The following OR6N1 variants were observed in gnomAD, a reference collection of about 807,000 sequenced individuals.
OR6N1 encodes olfactory receptor family 6 subfamily N member 1, also known as olfactory receptor 6N1.
For synonymous variants in OR6N1, 170 were observed against 150.7 expected, an observed-to-expected ratio of 1.13 and a Z score of -0.94; for missense variants, 394 against 371.7, an observed-to-expected ratio of 1.06 and a Z score of -0.49.
chr1:158,767,923 T>C (rs1319270929), intron 1 of OR6N1, among the ~76,000 whole-genome samples: 1 of 152,186 alleles, frequency 6.6e-6, no homozygotes, highest in African/African-American at 2.4e-5. Flanking sequence ...TATCTAAGAT[T>C]TCCTGGATCC....
chr1:158,834,971 C>G, the OR6N1 span, among the ~76,000 whole-genome samples: 1 of 152,130 alleles, frequency 6.6e-6, no homozygotes. Flanking sequence ...TTCCATTGTT[C>G]TTTATGTCTG....
At chr1:158,776,697 A>G (rs1017111678), upstream of OR6N1, 12 of 1,602,526 alleles carry the variant, frequency 7.5e-6, no homozygotes, top group African/African-American at 1.2e-4. Flanking sequence ...GATGAGCAAG[A>G]CTAGCTTTAT....
the OR6N1 span, among the ~76,000 whole-genome samples, chr1:158,785,245 A>T: frequency 6.6e-6 from 1 of 152,146 alleles, no homozygotes. Context: ...TTGTGCTTTC[A>T]TTAGAGTTCA....
rs778798865 is a variant in OR6N1 at position 158,766,357 on chromosome 1, G to T, written c.326C>A (p.Ala109Glu). 1 of 1,614,014 alleles carries T rather than the reference G, an allele frequency of 6.2e-7. No homozygotes were observed. The highest frequency in any genetic ancestry group is 8.5e-7 in the Non-Finnish European group (1 of 1,179,932). The change falls in exon 2 of 2, where the codon GCG (alanine) becomes GAG (glutamate). Residue 109 changes from alanine to glutamate, a missense_variant. Transcript: ENST00000641846. ...LQIYFFHSLG[A>E]TECYLLTAMA... The stretch of plus-strand genomic sequence containing the variant: ...AGCTGTCAGGAGATAGCACTCAGTC[G>T]CTCCAAGGGAGTGAAAGAAATAGAT...
the OR6N1 span, among the ~76,000 whole-genome samples, chr1:158,831,902 A>C: frequency 6.6e-6 from 1 of 152,196 alleles, no homozygotes; most frequent in Non-Finnish European, 1.5e-5. Context: ...CAAGACAGTC[A>C]GATAAGAAAA....
At chr1:158,779,166 A>G in the OR6N1 span, among the ~76,000 whole-genome samples, 1 of 152,220 alleles carries the variant, frequency 6.6e-6, no homozygotes, top group South Asian at 2.1e-4. Context: ...ATAGTATTGG[A>G]CATTCTAATT....
At chr1:158,789,492 C>T in the OR6N1 span, among the ~76,000 whole-genome samples, 5 of 152,176 alleles carry the variant, frequency 3.3e-5, no homozygotes, top group Non-Finnish European at 5.9e-5. Context: ...TCTACATCCT[C>T]ATCCATTTTA....
At chr1:158,772,720 G>A (rs921142654), upstream of OR6N1, among the ~76,000 whole-genome samples, 5 of 152,080 alleles carry the variant, frequency 3.3e-5, no homozygotes, top group Admixed American at 6.5e-5. Context: ...TATCTGCTCC[G>A]TAAAGAGTGC....
At chr1:158,833,541 A>T in the OR6N1 span, among the ~76,000 whole-genome samples, 1 of 152,210 alleles carries the variant, frequency 6.6e-6, no homozygotes, top group South Asian at 2.1e-4. Context: ...CCATAAATTT[A>T]AAAACTCTAA....
chr1:158,836,252 G>A, the OR6N1 span, among the ~76,000 whole-genome samples: 1 of 151,908 alleles, frequency 6.6e-6, no homozygotes, highest in African/African-American at 2.4e-5. Context: ...CAATGAGTTT[G>A]GAAGTGTTCC....
At chr1:158,771,621 A>G (rs1460706630) in intron 1 of OR6N1, among the ~76,000 whole-genome samples, 1 of 152,234 alleles carries the variant, frequency 6.6e-6, no homozygotes, top group Non-Finnish European at 1.5e-5. Flanking sequence ...CCACAGCTGC[A>G]TTATTCATAG....
intron 1 of OR6N1, among the ~76,000 whole-genome samples, chr1:158,768,305 C>T (rs1423679908): frequency 6.6e-6 from 1 of 152,216 alleles, no homozygotes; most frequent in Non-Finnish European, 1.5e-5. Flanking sequence ...TCACTGCCTA[C>T]TCACATCTCC....
At chr1:158,771,302 G>A (rs1332719514) in intron 1 of OR6N1, among the ~76,000 whole-genome samples, 2 of 152,112 alleles carry the variant, frequency 1.3e-5, no homozygotes, top group Admixed American at 6.5e-5. Flanking sequence ...GCAACTCTCT[G>A]TGAGCTTTTT....
chr1:158,817,753 G>C, the OR6N1 span, among the ~76,000 whole-genome samples: 1 of 152,198 alleles, frequency 6.6e-6, no homozygotes, highest in East Asian at 1.9e-4. Flanking sequence ...CAAGGAAAGA[G>C]GCAGCAACAC....
the OR6N1 span, among the ~76,000 whole-genome samples, chr1:158,832,203 T>C: frequency 6.6e-6 from 1 of 152,130 alleles, no homozygotes; most frequent in South Asian, 2.1e-4. Flanking sequence ...GAATCAATTA[T>C]ATATTTCCTA....
the OR6N1 span, among the ~76,000 whole-genome samples, chr1:158,789,634 C>T: frequency 6.6e-6 from 1 of 152,118 alleles, no homozygotes; most frequent in Non-Finnish European, 1.5e-5. Context: ...TATATATATT[C>T]TTTTGAGAAA....
At chr1:158,837,193 G>A in the OR6N1 span, among the ~76,000 whole-genome samples, 2 of 151,726 alleles carry the variant, frequency 1.3e-5, no homozygotes, top group Non-Finnish European at 3.0e-5. Flanking sequence ...TTACTGTTTT[G>A]GATATATCTG....
the OR6N1 span, among the ~76,000 whole-genome samples, chr1:158,798,763 T>C: frequency 6.6e-6 from 1 of 152,212 alleles, no homozygotes; most frequent in Non-Finnish European, 1.5e-5. Context: ...CCTGGTGTTT[T>C]TATTCCTAAG....
chr1:158,834,192 T>C, the OR6N1 span, among the ~76,000 whole-genome samples: 17,792 of 152,012 alleles, frequency 0.12, 1,391 homozygotes, highest in South Asian at 0.31. Flanking sequence ...GCCATTTGTA[T>C]AGCACCTTTG....
Sources: gnomAD v4.1 joint callset for allele counts (sites outside exome capture counted in the v4.1 genomes callset) on GRCh38, gnomAD v4.1.1 for gene constraint, MANE v1.5 for transcripts, NCBI Gene and HGNC (gene_info 2026-07-23, HGNC 2026-07-21) for gene names.